KCNIP4: variants seen among roughly 807,000 people sequenced by gnomAD.
KCNIP4 encodes the protein potassium voltage-gated channel interacting protein 4.
A neutral mutation model predicts 34.0 loss-of-function variants in KCNIP4; 12 were observed. The observed-to-expected ratio is 0.35, with a 90% CI of 0.23 to 0.57. The LOEUF (loss-of-function observed/expected upper bound fraction) is 0.57, where lower values mean the gene tolerates loss of function less well. Ranked by LOEUF, KCNIP4 falls within the 20% of genes least tolerant of loss-of-function variation. The pLI is 0.83. For synonymous variants in KCNIP4, 124 were observed against 102.2 expected (o/e 1.21, Z -1.29); for missense variants, 238 against 311.7 (o/e 0.76, Z 1.78).
At chr4:21,252,383 C>T (rs1216007973) in intron 1 of KCNIP4, among the ~76,000 whole-genome samples, 1 of 152,072 alleles carries the variant, frequency 6.6e-6, no homozygotes, top group East Asian at 1.9e-4. Flanking sequence ...GCCTCGGCCT[C>T]CCAAAGTACT....
intron 1 of KCNIP4, among the ~76,000 whole-genome samples, chr4:21,924,193 CA>C (rs1380710436): frequency 6.6e-6 from 1 of 150,890 alleles, no homozygotes; most frequent in African/African-American, 2.4e-5. Context: ...AATATAACCA[CA>C]AATGGTTTTT....
intron 2 of KCNIP4, among the ~76,000 whole-genome samples, chr4:20,868,609 T>A (rs1017307589): frequency 6.6e-6 from 1 of 151,908 alleles, no homozygotes; most frequent in South Asian, 2.1e-4. Flanking sequence ...CAGTGGTAGA[T>A]TGGATTAAGA....
At chr4:21,635,843 T>C (rs1237348196) in intron 1 of KCNIP4, among the ~76,000 whole-genome samples, 1 of 151,482 alleles carries the variant, frequency 6.6e-6, no homozygotes, top group Non-Finnish European at 1.5e-5. Flanking sequence ...TGCACACGTA[T>C]GTTTATTGCG....
chr4:20,803,153 C>CA (rs1313306873), intron 3 of KCNIP4, among the ~76,000 whole-genome samples: 2 of 147,784 alleles, frequency 1.4e-5, no homozygotes, highest in East Asian at 4.0e-4. Context: ...GGGATGCAGC[C>CA]AAACCATTTC....
chr4:20,869,235 GT>G (rs1167816198), intron 2 of KCNIP4, among the ~76,000 whole-genome samples: 1 of 152,000 alleles, frequency 6.6e-6, no homozygotes, highest in Non-Finnish European at 1.5e-5. Flanking sequence ...ATCCATCTAT[GT>G]TTAAAAAAGC....
At chr4:20,909,193 T>G (rs760218231) in intron 1 of KCNIP4, among the ~76,000 whole-genome samples, 6 of 152,230 alleles carry the variant, frequency 3.9e-5, no homozygotes, top group Non-Finnish European at 7.3e-5. Context: ...AAATTGTTAC[T>G]GGTGGTTGCC....
chr4:21,015,824 AAATATATAC>A (rs1350377956), intron 1 of KCNIP4, among the ~76,000 whole-genome samples: 40 of 138,104 alleles, frequency 2.9e-4, no homozygotes, highest in South Asian at 2.6e-3. Context: ...ACCATATATA[AAATATATAC>A]AATATATACA....
chr4:21,831,342 G>A (rs1000192526), intron 1 of KCNIP4, among the ~76,000 whole-genome samples: 1 of 151,814 alleles, frequency 6.6e-6, no homozygotes, highest in Non-Finnish European at 1.5e-5. Context: ...AAAAATAATA[G>A]AGAAGATCAA....
intron 1 of KCNIP4, among the ~76,000 whole-genome samples, chr4:21,797,938 G>T (rs1355112498): frequency 6.6e-6 from 1 of 151,976 alleles, no homozygotes; most frequent in Admixed American, 6.6e-5. Flanking sequence ...GGCAGAATGA[G>T]AAAAAAGGCA....
At chr4:21,337,676 C>G (rs2109339047) in intron 1 of KCNIP4, among the ~76,000 whole-genome samples, 1 of 152,182 alleles carries the variant, frequency 6.6e-6, no homozygotes, top group East Asian at 1.9e-4. Flanking sequence ...CTTCAACTGG[C>G]TATGCTAGAA....
intron 1 of KCNIP4, among the ~76,000 whole-genome samples, chr4:21,106,760 C>G (rs1211665804): frequency 6.6e-6 from 1 of 151,458 alleles, no homozygotes; most frequent in African/African-American, 2.5e-5. Flanking sequence ...CCTCTACACA[C>G]TGCTTTGAAT....
At chr4:21,565,429 G>A (rs1258437179) in intron 1 of KCNIP4, among the ~76,000 whole-genome samples, 3 of 152,062 alleles carry the variant, frequency 2.0e-5, no homozygotes, top group Non-Finnish European at 4.4e-5. Flanking sequence ...TGGGTGTTAA[G>A]GCTTCAACAT....
rs1389807541 is a variant in KCNIP4, at chr4:21,139,156, CTT to C, written c.62-256449_62-256448del. On this transcript the variant is annotated intron_variant, in intron 1 of 8. Transcript: ENST00000382152. ...AAGAATCCCACATCACACTAAGACT[CTT>C]ATTTATTTATGAGTTTTCTCTGGAG... Among the ~76,000 whole-genome samples, 3 of 152,096 alleles carry C rather than the reference CTT, an allele frequency of 2.0e-5. No individual in the cohort carries two copies. The East Asian group carries it at 5.8e-4, about 29-fold the overall frequency.
chr4:21,210,239 A>G (rs1462523512), intron 1 of KCNIP4, among the ~76,000 whole-genome samples: 1 of 151,988 alleles, frequency 6.6e-6, no homozygotes, highest in Non-Finnish European at 1.5e-5. Context: ...TACTGCCTTT[A>G]TTTTTCTTTT....
Position 21,001,782 on chromosome 4 carries a change from C to T in KCNIP4, c.62-119073G>A, listed in dbSNP as rs76037086. Among the ~76,000 whole-genome samples, 14 of 152,268 alleles carry T rather than the reference C, an allele frequency of 9.2e-5. No homozygotes were observed. In the East Asian group the frequency reaches 2.7e-3, roughly 29 times the overall value. ...AATTGAGAGAAGTTCAAAGTGCTTT[C>T]GTTTTTGCACACAATTTATTGGTGC... On this transcript the variant is annotated intron_variant, in intron 1 of 8. Coordinates refer to ENST00000382152, the MANE Select transcript of KCNIP4 (RefSeq NM_025221.6).
intron 1 of KCNIP4, among the ~76,000 whole-genome samples, chr4:21,755,208 T>C (rs527620659): frequency 6.6e-6 from 1 of 152,294 alleles, no homozygotes; most frequent in South Asian, 2.1e-4. Context: ...AGGCTGTCTC[T>C]GCCAGTAGTT....
chr4:21,345,441 G>A (rs181492745), intron 1 of KCNIP4, among the ~76,000 whole-genome samples: 3 of 152,208 alleles, frequency 2.0e-5, no homozygotes. Context: ...CTAAGTTTGA[G>A]GTGATTTGTT....
chr4:21,874,071 C>T (rs1185460878), intron 1 of KCNIP4, among the ~76,000 whole-genome samples: 3 of 152,304 alleles, frequency 2.0e-5, no homozygotes, highest in South Asian at 2.1e-4. Context: ...GTGACTGATA[C>T]GCATAGCCGC....
At chr4:20,794,607 TG>T (rs1316807180) in intron 3 of KCNIP4, among the ~76,000 whole-genome samples, 1 of 152,236 alleles carries the variant, frequency 6.6e-6, no homozygotes, top group East Asian at 1.9e-4. Flanking sequence ...GGGATAACCT[TG>T]AAAGTTAGGA....
Sources: allele counts gnomAD v4.1 joint callset (sites outside exome capture counted in the v4.1 genomes callset), GRCh38; gene constraint gnomAD v4.1.1; transcripts MANE v1.5; gene names NCBI Gene and HGNC (gene_info 2026-07-23, HGNC 2026-07-21).